Variants in DYSF observed in about 807,000 individuals in gnomAD.
DYSF encodes dystrophy-associated fer-1-like 1.
Under a neutral mutation model 274.9 loss-of-function variants are expected in DYSF, and 212 were observed. The observed-to-expected ratio is 0.77, with a 90% confidence interval of 0.69 to 0.86. The LOEUF (loss-of-function observed/expected upper bound fraction) is 0.86, where lower values mean the gene tolerates loss of function less well. Ranked by LOEUF, DYSF falls within the 40% of genes least tolerant of loss-of-function variation. The pLI, the probability that DYSF is intolerant of heterozygous loss-of-function variation, is 0.00. For synonymous variants in DYSF, 1,091 were observed against 1,078.7 expected (o/e 1.01, Z -0.22); for missense variants, 2,666 against 2,783.2 (o/e 0.96, Z 0.95).
At chr2:71,602,102 C>T (rs1368271642) in intron 35 of DYSF, among the ~76,000 whole-genome samples, 1 of 152,222 alleles carries the variant, frequency 6.6e-6, no homozygotes, top group African/African-American at 2.4e-5. Context: ...CATTCCCTTA[C>T]TGCTGCTCTC....
At chr2:71,598,078 A>AG (rs2093449634) in intron 32 of DYSF, among the ~76,000 whole-genome samples, 1 of 152,212 alleles carries the variant, frequency 6.6e-6, no homozygotes. Context: ...TTTTATGTCT[A>AG]TTCTTCAAGG....
chr2:71,618,575 G>GTAGA (rs2093998893), intron 40 of DYSF, among the ~76,000 whole-genome samples: 2 of 151,324 alleles, frequency 1.3e-5, no homozygotes, highest in African/African-American at 4.9e-5. Flanking sequence ...TGTTTGTGTG[G>GTAGA]GGTAGAGTTG....
intron 4 of DYSF, among the ~76,000 whole-genome samples, chr2:71,505,190 C>A (rs2085362384): frequency 6.6e-6 from 1 of 152,152 alleles, no homozygotes; most frequent in African/African-American, 2.4e-5. Flanking sequence ...ACAGTGCAGC[C>A]CCAGACAGGT....
intron 20 of DYSF, 134 bp downstream of exon 20, chr2:71,553,322 C>T: frequency 7.8e-7 from 1 of 1,280,302 alleles, no homozygotes; most frequent in Non-Finnish European, 1.1e-6. Context: ...CAAACCTGTT[C>T]CAGCTGTCCC....
intron 41 of DYSF, among the ~76,000 whole-genome samples, chr2:71,634,707 G>T (rs546680487): frequency 6.6e-6 from 1 of 152,246 alleles, no homozygotes; most frequent in South Asian, 2.1e-4. Flanking sequence ...AGGCAGTCTG[G>T]GCTTTCTATC....
intron 41 of DYSF, among the ~76,000 whole-genome samples, chr2:71,633,315 T>C (rs1255367548): frequency 6.6e-6 from 1 of 152,140 alleles, no homozygotes; most frequent in Non-Finnish European, 1.5e-5. Context: ...TAATTTTATG[T>C]TATTTATGTG....
At chr2:71,579,390 G>C (rs552191757) in intron 30 of DYSF, among the ~76,000 whole-genome samples, 6 of 152,282 alleles carry the variant, frequency 3.9e-5, no homozygotes, top group Admixed American at 3.9e-4. Context: ...TTTGCTGCTG[G>C]AAGAAACTTT....
chr2:71,665,390 C>A (rs1453060703), intron 47 of DYSF, 86 bp downstream of exon 47: 1 of 1,575,518 alleles, frequency 6.3e-7, no homozygotes, highest in Non-Finnish European at 8.7e-7. Context: ...CATAAAAGAC[C>A]CAAGCGGACA....
rs533439260 is a variant in DYSF, at chr2:71,480,671, A to G, written c.92-212A>G. Among the ~76,000 whole-genome samples, 9 of 152,290 alleles carry G rather than the reference A, an allele frequency of 5.9e-5. No homozygotes were observed. In the East Asian group the frequency reaches 1.7e-3, roughly 29 times the overall value. ...AGCCTGGGTACTTTCTTTTGAAAGC[A>G]TGTTTCTGATGTCCCAGAGCTGAGA... On this transcript the variant is annotated intron_variant, in intron 1 of 55. Coordinates refer to ENST00000410020, the MANE Select transcript of DYSF (RefSeq NM_001130987.2).
intron 29 of DYSF, among the ~76,000 whole-genome samples, chr2:71,573,789 C>G (rs564783193): frequency 6.6e-6 from 1 of 152,208 alleles, no homozygotes; most frequent in South Asian, 2.1e-4. Flanking sequence ...CATGGAGCCT[C>G]CTCTCCCCTC....
At chr2:71,601,445 A>G in intron 34 of DYSF, 54 bp from the exon 35 acceptor site, 1 of 1,611,554 alleles carries the variant, frequency 6.2e-7, no homozygotes, top group Non-Finnish European at 8.5e-7. Flanking sequence ...CATGAGGGTG[A>G]TGGGGGCCTT....
intron 23 of DYSF, among the ~76,000 whole-genome samples, chr2:71,562,478 A>G (rs1447907098): frequency 6.6e-6 from 1 of 152,040 alleles, no homozygotes; most frequent in Non-Finnish European, 1.5e-5. Context: ...TCTTTGGGGA[A>G]CTATTTCCCC....
chr2:71,648,663 A>G (rs1373612693), intron 42 of DYSF, among the ~76,000 whole-genome samples: 1 of 152,254 alleles, frequency 6.6e-6, no homozygotes, highest in Non-Finnish European at 1.5e-5. Context: ...AGATTGGTCA[A>G]TCTGAGACAT....
chr2:71,602,007 T>C (rs183671293), intron 35 of DYSF, among the ~76,000 whole-genome samples: 1 of 152,342 alleles, frequency 6.6e-6, no homozygotes, highest in East Asian at 1.9e-4. Flanking sequence ...TGCACGAGTT[T>C]CAGAAGCCCT....
chr2:71,490,831 G>A (rs575691991), intron 3 of DYSF, among the ~76,000 whole-genome samples: 14 of 152,226 alleles, frequency 9.2e-5, no homozygotes, highest in South Asian at 6.2e-4. Flanking sequence ...TGTGTGCACC[G>A]TAATTTACCC....
rs201566766 is a variant in DYSF, at chr2:71,492,675, CTTA to C, written c.240-10528_240-10526del. The stretch of plus-strand genomic sequence containing the variant: ...GTTTTAGTATATATGTTTTATTATA[CTTA>C]TTATTATTATCTCCCTTCCTCCCCC... On this transcript the variant is annotated intron_variant, in intron 3 of 55. Transcript: ENST00000410020. Among the ~76,000 whole-genome samples, 713 of 149,884 alleles carry C rather than the reference CTTA, an allele frequency of 4.8e-3. 8 individuals carry two copies. Among genetic ancestry groups the C allele is most frequent in the African/African-American group, 0.016 (665 of 40,508 alleles).
chr2:71,577,055 G>C (rs527491733), intron 30 of DYSF: 1 of 152,872 alleles, frequency 6.5e-6, no homozygotes, highest in South Asian at 2.1e-4. Flanking sequence ...GAGAGAACCA[G>C]AAAGGGAGGC....
At chr2:71,618,575 G>GGGTACAGTTGTGTGTGTGT (rs2093999157) in intron 40 of DYSF, among the ~76,000 whole-genome samples, 4 of 151,326 alleles carry the variant, frequency 2.6e-5, no homozygotes, top group South Asian at 2.1e-4. Context: ...TGTTTGTGTG[G>GGGTACAGTTGTGTGTGTGT]GGTAGAGTTG....
chr2:71,571,034 A>C, intron 29 of DYSF: 1 of 431,950 alleles, frequency 2.3e-6, no homozygotes, highest in South Asian at 2.5e-5. Flanking sequence ...GCACACACAC[A>C]GATTACACCC....
Sources: gnomAD v4.1 joint callset for allele counts (sites outside exome capture counted in the v4.1 genomes callset) on GRCh38, gnomAD v4.1.1 for gene constraint, MANE v1.5 for transcripts, NCBI Gene and HGNC (gene_info 2026-07-23, HGNC 2026-07-21) for gene names.